The following CNIH3 variants were observed in gnomAD, a reference collection of about 807,000 sequenced individuals.
CNIH3 encodes cornichon family AMPA receptor auxiliary protein 3.
A neutral mutation model predicts 24.1 loss-of-function variants in CNIH3; 14 were observed. The ratio of observed to expected loss-of-function variants is 0.58; its 90% CI spans 0.38 to 0.91. The LOEUF (loss-of-function observed/expected upper bound fraction) is 0.91, where lower values mean the gene tolerates loss of function less well. Ranked by LOEUF, CNIH3 falls within the 40% of genes least tolerant of loss-of-function variation. The probability of loss-of-function intolerance (pLI) is 0.00; values close to 1 mark genes in which losing one functional copy is unlikely to be tolerated. For missense variants in CNIH3, 178 were observed against 196.8 expected, an observed-to-expected ratio of 0.90 and a Z score of 0.57; for synonymous variants, 68 against 73.8, an observed-to-expected ratio of 0.92 and a Z score of 0.40.
intron 1 of CNIH3, among the ~76,000 whole-genome samples, chr1:224,477,410 A>G (rs1296826916): frequency 2.0e-5 from 3 of 152,206 alleles, no homozygotes; most frequent in Non-Finnish European, 4.4e-5. Flanking sequence ...CTTATATTGG[A>G]GAACCCCAAA....
chr1:224,515,255 G>A (rs1678333441), upstream of CNIH3, among the ~76,000 whole-genome samples: 1 of 152,164 alleles, frequency 6.6e-6, no homozygotes, highest in South Asian at 2.1e-4. Flanking sequence ...ACTCCCAGCA[G>A]ATGTATGCTT....
At chr1:224,594,406 C>T (rs1009505971) in intron 3 of CNIH3, among the ~76,000 whole-genome samples, 5 of 152,188 alleles carry the variant, frequency 3.3e-5, no homozygotes, top group African/African-American at 4.8e-5. Flanking sequence ...CCAGAAGCCA[C>T]GAGTTCTGTC....
At chr1:224,442,932 G>A (rs963755919) in intron 1 of CNIH3, among the ~76,000 whole-genome samples, 1 of 152,062 alleles carries the variant, frequency 6.6e-6, no homozygotes, top group Admixed American at 6.6e-5. Flanking sequence ...ATGAAACTTC[G>A]GCTCCTCACC....
chr1:224,478,071 G>A (rs572359401), intron 1 of CNIH3, among the ~76,000 whole-genome samples: 1 of 152,122 alleles, frequency 6.6e-6, no homozygotes, highest in South Asian at 2.1e-4. Flanking sequence ...CTATTCTCTG[G>A]CTGCTTTTAG....
chr1:224,487,749 T>C (rs531364604), intron 1 of CNIH3, among the ~76,000 whole-genome samples: 8 of 152,316 alleles, frequency 5.3e-5, no homozygotes, highest in African/African-American at 7.2e-5. Flanking sequence ...CCTACTGATA[T>C]GACATCCCTT....
Position 224,617,012 on chromosome 1 carries a change from T to C in CNIH3, c.-163T>C. The C allele has an allele frequency of 1.4e-6, 2 of 1,413,604 alleles. No homozygotes were observed. Among genetic ancestry groups the C allele is most frequent in the Non-Finnish European group, 1.8e-6 (2 of 1,088,128 alleles). The allele number at this position is 1,413,604 out of a possible 1,614,324, so 87.6% of individuals were successfully genotyped here. ...GGAGCCTGCGGGAATCCAGCGCTTA[T>C]TCGCTGACCCTCGAGTCGCTTCGCT... is the stretch of plus-strand genomic sequence containing the variant. On this transcript the variant is annotated 5_prime_UTR_variant, in exon 1 of 6. Transcript: ENST00000272133.
intron 1 of CNIH3, among the ~76,000 whole-genome samples, chr1:224,676,187 C>T (rs535585388): frequency 5.3e-5 from 8 of 152,230 alleles, no homozygotes; most frequent in Non-Finnish European, 1.2e-4. Flanking sequence ...ATATAGGCAA[C>T]AGTGTGGCTT....
rs1359230905 is a variant in CNIH3, at chr1:224,730,626, T to G, written c.311+52T>G. 3 of 1,086,840 alleles carry G rather than the reference T, an allele frequency of 2.8e-6. No individual in the cohort carries two copies. In the South Asian group the frequency reaches 4.1e-5, roughly 15 times the overall value. The allele number at this position is 1,086,840 out of a possible 1,614,324, so 67.3% of individuals were successfully genotyped here. A position where few individuals can be genotyped will look rare whatever the true frequency, so the allele number is the denominator to read the frequency against. On this transcript the variant is annotated intron_variant, in intron 4 of 5. Coordinates refer to ENST00000272133, the MANE Select transcript of CNIH3 (RefSeq NM_152495.2). ...CTTCGTCTTTTCTGCCAGGGCAGCCTGCTCTCCAGTGATGATGTCACCCAA... is the reference window on the plus strand; with the variant it reads ...CTTCGTCTTTTCTGCCAGGGCAGCCGGCTCTCCAGTGATGATGTCACCCAA...
chr1:224,606,418 C>T (rs1682424546), intron 3 of CNIH3, among the ~76,000 whole-genome samples: 1 of 152,096 alleles, frequency 6.6e-6, no homozygotes, highest in Admixed American at 6.5e-5. Context: ...ATGGTCTTCC[C>T]TTGGAGTTTG....
At chr1:224,720,764 G>T (rs1275700233) in intron 3 of CNIH3, among the ~76,000 whole-genome samples, 1 of 152,136 alleles carries the variant, frequency 6.6e-6, no homozygotes, top group Non-Finnish European at 1.5e-5. Context: ...AAGTCTCCCA[G>T]GTTTAAAAAG....
At chr1:224,627,674 C>T (rs957266879) in intron 1 of CNIH3, among the ~76,000 whole-genome samples, 3 of 152,158 alleles carry the variant, frequency 2.0e-5, no homozygotes, top group East Asian at 1.9e-4. Context: ...GACTGAGGCC[C>T]GCTCCTGCAG....
chr1:224,715,832 C>T (rs981141890), intron 3 of CNIH3, among the ~76,000 whole-genome samples: 4 of 152,166 alleles, frequency 2.6e-5, no homozygotes, highest in South Asian at 2.1e-4. Flanking sequence ...ATGACCCAAA[C>T]GCCTCCCATT....
At chr1:224,564,071 T>C (rs1160772283) in intron 3 of CNIH3, among the ~76,000 whole-genome samples, 4 of 152,224 alleles carry the variant, frequency 2.6e-5, no homozygotes, top group African/African-American at 9.6e-5. Context: ...ACACTTATGT[T>C]TGATTTGATA....
chr1:224,642,992 C>T (rs1684432485), intron 1 of CNIH3, among the ~76,000 whole-genome samples: 1 of 152,162 alleles, frequency 6.6e-6, no homozygotes, highest in Non-Finnish European at 1.5e-5. Context: ...GTGTGGTTCT[C>T]CTCCGAGATT....
At chr1:224,525,102 G>T (rs2124921348) in intron 2 of CNIH3, among the ~76,000 whole-genome samples, 1 of 152,286 alleles carries the variant, frequency 6.6e-6, no homozygotes, top group African/African-American at 2.4e-5. Flanking sequence ...AGCTCTCATG[G>T]CAATTACCCT....
intron 1 of CNIH3, among the ~76,000 whole-genome samples, chr1:224,647,357 C>T (rs528684856): frequency 6.6e-6 from 1 of 152,294 alleles, no homozygotes; most frequent in South Asian, 2.1e-4. Context: ...AAAGTTTATT[C>T]TTCAGACCAA....
At chr1:224,725,319 G>A (rs1688963272) in intron 3 of CNIH3, among the ~76,000 whole-genome samples, 2 of 152,212 alleles carry the variant, frequency 1.3e-5, no homozygotes, top group Non-Finnish European at 2.9e-5. Context: ...AGTACATCCT[G>A]TGTCCCTGGC....
At chr1:224,445,182 C>A (rs1482838190) in intron 1 of CNIH3, among the ~76,000 whole-genome samples, 4 of 151,944 alleles carry the variant, frequency 2.6e-5, no homozygotes, top group Admixed American at 2.6e-4. Context: ...ATGTATAGTC[C>A]TACATATATG....
chr1:224,487,629 A>T (rs1427710953), intron 1 of CNIH3, among the ~76,000 whole-genome samples: 1 of 152,248 alleles, frequency 6.6e-6, no homozygotes, highest in African/African-American at 2.4e-5. Context: ...GGCAACTTCA[A>T]GCAAAAACAG....
Sources: gnomAD v4.1 joint callset for allele counts (sites outside exome capture counted in the v4.1 genomes callset) on GRCh38, gnomAD v4.1.1 for gene constraint, MANE v1.5 for transcripts, NCBI Gene and HGNC (gene_info 2026-07-23, HGNC 2026-07-21) for gene names.